Variants in COL6A5 observed in about 807,000 individuals in gnomAD.
COL6A5 encodes collagen type VI alpha 5 chain, also known as collagen alpha-5(VI) chain.
Under a neutral mutation model 65.6 loss-of-function variants are expected in COL6A5, and 48 were observed. The ratio of observed to expected loss-of-function variants is 0.73; its 90% CI spans 0.58 to 0.93. The LOEUF (loss-of-function observed/expected upper bound fraction) is 0.93, where lower values mean the gene tolerates loss of function less well. Among genes scored for constraint, COL6A5 ranks in the 40% least tolerant of loss-of-function variants. The pLI, the probability that COL6A5 is intolerant of heterozygous loss-of-function variation, is 0.00. For synonymous variants in COL6A5, 291 were observed against 322.8 expected (o/e 0.90, Z 1.05); for missense variants, 914 against 928.3 (o/e 0.98, Z 0.20).
chr3:130,376,557 G>A (rs1453883624), exon 3 of COL6A5: 1 of 1,605,776 alleles, frequency 6.2e-7, no homozygotes, highest in Non-Finnish European at 8.5e-7. Flanking sequence ...AAATGGGAGA[G>A]ACAGGAAACA....
intron 1 of COL6A5, among the ~76,000 whole-genome samples, chr3:130,433,726 G>A (rs1445209578): frequency 6.6e-6 from 1 of 152,070 alleles, no homozygotes; most frequent in African/African-American, 2.4e-5. Flanking sequence ...ACCCACACTG[G>A]ATTTTACCTA....
chr3:130,445,610 C>A (rs1709285984), intron 4 of COL6A5, among the ~76,000 whole-genome samples: 3 of 152,048 alleles, frequency 2.0e-5, no homozygotes, highest in Non-Finnish European at 4.4e-5. Context: ...ATGGCAATTG[C>A]CAATTTCCGA....
chr3:130,457,666 G>C (rs1041184214), intron 5 of COL6A5, among the ~76,000 whole-genome samples: 47 of 152,096 alleles, frequency 3.1e-4, no homozygotes, highest in Non-Finnish European at 2.9e-5. Flanking sequence ...GAAGGATAAT[G>C]TGTATTTTTT....
chr3:130,453,065 A>T (rs1412402432), intron 4 of COL6A5, among the ~76,000 whole-genome samples: 3 of 152,152 alleles, frequency 2.0e-5, no homozygotes, highest in Non-Finnish European at 4.4e-5. Flanking sequence ...CCCAGATTTC[A>T]TATTGTTCAA....
chr3:130,473,872 CTCT>C (rs1245676339), intron 7 of COL6A5, among the ~76,000 whole-genome samples: 3 of 152,208 alleles, frequency 2.0e-5, no homozygotes, highest in Middle Eastern at 3.4e-3. Flanking sequence ...GCAGGGAGCT[CTCT>C]TCTTCTTCCC....
At chr3:130,468,907 A>G (rs1477955516) in exon 6 of COL6A5, 5 of 1,612,398 alleles carry the variant, frequency 3.1e-6, no homozygotes, top group Non-Finnish European at 3.4e-6. Flanking sequence ...CTTCCCAAAG[A>G]GTAGGAAGTG....
chr3:130,421,018 G>C (rs2107684230), intron 25 of COL6A5, 135 bp from the exon 26 acceptor site: 1 of 724,020 alleles, frequency 1.4e-6, no homozygotes, highest in South Asian at 1.8e-5. Flanking sequence ...TGTTCCCAGG[G>C]TTCAAGGTCA....
intron 23 of COL6A5, among the ~76,000 whole-genome samples, chr3:130,416,490 A>C (rs778368007): frequency 7.9e-5 from 12 of 152,094 alleles, no homozygotes; most frequent in Non-Finnish European, 1.5e-4. Flanking sequence ...TGTTGACTCA[A>C]GGGTGCCTTT....
chr3:130,354,681 A>G (rs1244025947), intron 1 of COL6A5, among the ~76,000 whole-genome samples: 2 of 152,220 alleles, frequency 1.3e-5, no homozygotes, highest in Non-Finnish European at 2.9e-5. Context: ...CATCTAGCCC[A>G]GAGCTTCACA....
At chr3:130,416,516 G>A (rs1937341751) in intron 23 of COL6A5, among the ~76,000 whole-genome samples, 1 of 152,048 alleles carries the variant, frequency 6.6e-6, no homozygotes, top group South Asian at 2.1e-4. Context: ...TTCTCACTAA[G>A]CCCCGTATGG....
At chr3:130,365,868 A>G (rs1010386828) in intron 1 of COL6A5, among the ~76,000 whole-genome samples, 1 of 152,210 alleles carries the variant, frequency 6.6e-6, no homozygotes, top group South Asian at 2.1e-4. Context: ...CCTGGCATCA[A>G]TATTTTTAAT....
chr3:130,353,327 G>C (rs545363613), intron 1 of COL6A5, among the ~76,000 whole-genome samples: 17 of 152,088 alleles, frequency 1.1e-4, no homozygotes, highest in African/African-American at 3.9e-4. Flanking sequence ...GCACCAGTAC[G>C]GGTCTGATGC....
At chr3:130,465,423 A>G (rs1199295267) in intron 5 of COL6A5, among the ~76,000 whole-genome samples, 1 of 152,066 alleles carries the variant, frequency 6.6e-6, no homozygotes, top group Non-Finnish European at 1.5e-5. Context: ...AGGGCTAGGA[A>G]TCATGTTTTT....
chr3:130,455,545 G>C, exon 5 of COL6A5: 3 of 1,612,806 alleles, frequency 1.9e-6, no homozygotes, highest in South Asian at 1.1e-5. Context: ...CTTTTGTAAA[G>C]ACGGAAGACA....
intron 7 of COL6A5, among the ~76,000 whole-genome samples, chr3:130,473,975 C>T (rs1710025729): frequency 6.6e-6 from 1 of 152,026 alleles, no homozygotes; most frequent in South Asian, 2.1e-4. Context: ...TGGTCTCAAG[C>T]AGTAACAGTA....
At chr3:130,420,617 C>T (rs1223173934) in intron 25 of COL6A5, among the ~76,000 whole-genome samples, 4 of 152,042 alleles carry the variant, frequency 2.6e-5, no homozygotes, top group Non-Finnish European at 5.9e-5. Flanking sequence ...TTATGAAGTG[C>T]CCTTAGGAAA....
intron 1 of COL6A5, among the ~76,000 whole-genome samples, chr3:130,361,381 A>G (rs1935100777): frequency 6.6e-6 from 1 of 152,024 alleles, no homozygotes; most frequent in South Asian, 2.1e-4. Flanking sequence ...ATTAATATGC[A>G]TTTAAGGTTC....
chr3:130,379,664 T>G, exon 4 of COL6A5: 1 of 1,551,434 alleles, frequency 6.4e-7, no homozygotes, highest in Non-Finnish European at 8.7e-7. Context: ...ATCAAGAATC[T>G]TTCTATCCAA....
chr3:130,362,127 G>T (rs1012574747), intron 1 of COL6A5, among the ~76,000 whole-genome samples: 1 of 150,816 alleles, frequency 6.6e-6, no homozygotes, highest in Non-Finnish European at 1.5e-5. Flanking sequence ...TTCATAAGTC[G>T]TTGCCAAACC....
Sources: allele counts gnomAD v4.1 joint callset (sites outside exome capture counted in the v4.1 genomes callset), GRCh38; gene constraint gnomAD v4.1.1; transcripts MANE v1.5; gene names NCBI Gene and HGNC (gene_info 2026-07-23, HGNC 2026-07-21).